ELAPOR2: variants seen among roughly 807,000 people sequenced by gnomAD.
The protein encoded by ELAPOR2 is endosome-lysosome associated apoptosis and autophagy regulator family member 2, also known as endosome/lysosome-associated apoptosis and autophagy regulator family member 2.
A neutral mutation model predicts 120.7 loss-of-function variants in ELAPOR2; 89 were observed. The observed-to-expected ratio is 0.74, with a 90% CI of 0.62 to 0.88. The LOEUF (loss-of-function observed/expected upper bound fraction) is 0.88, where lower values mean the gene tolerates loss of function less well. Among genes scored for constraint, ELAPOR2 ranks in the 40% least tolerant of loss-of-function variants. The pLI is 0.00. For missense variants in ELAPOR2, 1,134 were observed against 1,251.6 expected, an observed-to-expected ratio of 0.91 and a Z score of 1.42; for synonymous variants, 444 against 444.9, an observed-to-expected ratio of 1.00 and a Z score of 0.03.
At chr7:87,031,785 T>C (rs1168848833) in intron 1 of ELAPOR2, among the ~76,000 whole-genome samples, 2 of 152,174 alleles carry the variant, frequency 1.3e-5, no homozygotes, top group African/African-American at 2.4e-5. Context: ...AACTATATTA[T>C]GTTAAAAATA....
Position 86,878,565 on chromosome 7 carries a change from G to A in ELAPOR2, c.*1906C>T, listed in dbSNP as rs1799257664. 6.6e-6 allele frequency: 1 copy of A among 152,138 alleles called. No individual in the cohort carries two copies. The highest frequency in any genetic ancestry group is 1.5e-5 in the Non-Finnish European group (1 of 68,036). 9.4% of individuals were successfully genotyped at this position (152,138 alleles called of 1,614,324 possible). A position where few individuals can be genotyped will look rare whatever the true frequency, so the allele number is the denominator to read the frequency against. Reference sequence around the variant, plus strand: ...AACATACATATTGAACACAGTGGAAGATGAGGAGAAAGGTGACAGGTGGCT... The same window carrying A: ...AACATACATATTGAACACAGTGGAAAATGAGGAGAAAGGTGACAGGTGGCT... On this transcript the variant is annotated 3_prime_UTR_variant, in exon 22 of 22. Transcript: ENST00000450689.
At chr7:86,961,185 TAAAC>T (rs2116464048) in intron 2 of ELAPOR2, among the ~76,000 whole-genome samples, 1 of 152,278 alleles carries the variant, frequency 6.6e-6, no homozygotes, top group African/African-American at 2.4e-5. Flanking sequence ...AGCACAAGAT[TAAAC>T]AAAGTCCCTA....
intron 1 of ELAPOR2, among the ~76,000 whole-genome samples, chr7:87,005,698 T>C (rs1793449600): frequency 6.6e-6 from 1 of 152,108 alleles, no homozygotes; most frequent in Admixed American, 6.6e-5. Context: ...ACAAATGGTG[T>C]TGGAACAACA....
At chr7:86,965,548 C>A (rs1414891175) in intron 1 of ELAPOR2, among the ~76,000 whole-genome samples, 1 of 152,186 alleles carries the variant, frequency 6.6e-6, no homozygotes, top group Non-Finnish European at 1.5e-5. Context: ...AGGCTTACCA[C>A]ACATGTACCA....
At chr7:86,987,978 A>C (rs1187525409) in intron 1 of ELAPOR2, among the ~76,000 whole-genome samples, 1 of 152,228 alleles carries the variant, frequency 6.6e-6, no homozygotes, top group Non-Finnish European at 1.5e-5. Context: ...CTGGATTAAG[A>C]AAATGTGGCA....
chr7:86,970,998 T>C (rs1792090076), intron 1 of ELAPOR2, among the ~76,000 whole-genome samples: 1 of 152,158 alleles, frequency 6.6e-6, no homozygotes, highest in African/African-American at 2.4e-5. Context: ...AAATATCCAA[T>C]TCTCTGCTCT....
intron 1 of ELAPOR2, among the ~76,000 whole-genome samples, chr7:87,020,760 A>G (rs1424258347): frequency 6.6e-6 from 1 of 152,122 alleles, no homozygotes; most frequent in African/African-American, 2.4e-5. Flanking sequence ...AAATGAATTT[A>G]GCCTTAATAA....
intron 1 of ELAPOR2, among the ~76,000 whole-genome samples, chr7:86,969,881 G>A (rs1478486065): frequency 6.6e-6 from 1 of 152,156 alleles, no homozygotes; most frequent in Non-Finnish European, 1.5e-5. Context: ...AGTGAGAAAA[G>A]GCTTTAAGGA....
chr7:86,965,728 G>T, intron 1 of ELAPOR2: 1 of 721,770 alleles, frequency 1.4e-6, no homozygotes, highest in Non-Finnish European at 1.7e-6. Context: ...AAACTGAGAA[G>T]AACCCAAACA....
At chr7:87,036,898 A>G (rs948704704) in intron 1 of ELAPOR2, among the ~76,000 whole-genome samples, 1 of 152,160 alleles carries the variant, frequency 6.6e-6, no homozygotes, top group Non-Finnish European at 1.5e-5. Flanking sequence ...ATGCCCAGAT[A>G]ACAAACGTAC....
At chr7:86,986,868 A>G (rs1275800033) in intron 1 of ELAPOR2, among the ~76,000 whole-genome samples, 1 of 150,692 alleles carries the variant, frequency 6.6e-6, no homozygotes, top group Non-Finnish European at 1.5e-5. Flanking sequence ...ATATGGAACC[A>G]AAAAAGAGCC....
intron 1 of ELAPOR2, among the ~76,000 whole-genome samples, chr7:86,966,615 C>T (rs1268294372): frequency 6.6e-6 from 1 of 152,164 alleles, no homozygotes; most frequent in African/African-American, 2.4e-5. Flanking sequence ...ACAACACTTC[C>T]CTTCAAGGTA....
chr7:86,999,839 T>A (rs17677376), intron 1 of ELAPOR2, among the ~76,000 whole-genome samples: 16,180 of 152,212 alleles, frequency 0.11, 1,176 homozygotes, highest in Non-Finnish European at 0.15. Context: ...GGATAAACTC[T>A]TTGCATTTCA....
chr7:87,024,197 A>T (rs961746807), intron 1 of ELAPOR2, among the ~76,000 whole-genome samples: 2 of 151,998 alleles, frequency 1.3e-5, no homozygotes, highest in Admixed American at 6.6e-5. Flanking sequence ...ATTGGCTGTG[A>T]GTTTGTCGTA....
At chr7:86,897,170 T>C (rs1424123262) in intron 19 of ELAPOR2, among the ~76,000 whole-genome samples, 2 of 152,118 alleles carry the variant, frequency 1.3e-5, no homozygotes, top group Non-Finnish European at 1.5e-5. Context: ...ATGCTTCTTA[T>C]AGTGAGTCAG....
At chr7:87,024,170 T>C (rs1350199300) in intron 1 of ELAPOR2, among the ~76,000 whole-genome samples, 1 of 152,198 alleles carries the variant, frequency 6.6e-6, no homozygotes, top group Non-Finnish European at 1.5e-5. Flanking sequence ...TTCCAGTTTT[T>C]GCCCATTCAG....
chr7:86,908,064 C>CT (rs1789115746), intron 17 of ELAPOR2, among the ~76,000 whole-genome samples: 2 of 151,340 alleles, frequency 1.3e-5, no homozygotes, highest in African/African-American at 4.9e-5. Flanking sequence ...ACCATGTCTA[C>CT]TTAGGCCAAT....
chr7:86,974,605 G>GTGTGTA (rs1176090337), intron 1 of ELAPOR2, among the ~76,000 whole-genome samples: 9 of 151,112 alleles, frequency 6.0e-5, no homozygotes, highest in African/African-American at 2.2e-4. Context: ...GTGTGTGTGT[G>GTGTGTA]TGTGTGTGTG....
intron 1 of ELAPOR2, among the ~76,000 whole-genome samples, chr7:86,969,162 C>CAA (rs1792020544): frequency 6.6e-6 from 1 of 152,002 alleles, no homozygotes; most frequent in African/African-American, 2.4e-5. Context: ...CCTTGAATAA[C>CAA]AAAAATTCAA....
Sources: allele counts gnomAD v4.1 joint callset (sites outside exome capture counted in the v4.1 genomes callset), GRCh38; gene constraint gnomAD v4.1.1; transcripts MANE v1.5; gene names NCBI Gene and HGNC (gene_info 2026-07-23, HGNC 2026-07-21).